FAM228B: variants seen among roughly 807,000 people sequenced by gnomAD.
FAM228B encodes protein FAM228B.
In FAM228B, 38 loss-of-function variants were observed where a neutral mutation model predicts 42.6. That is an observed-to-expected ratio of 0.89 (90% CI 0.69 to 1.17). The LOEUF (loss-of-function observed/expected upper bound fraction) is 1.17, where lower values mean the gene tolerates loss of function less well. FAM228B is among the 50% of genes most tolerant of loss of function. FAM228B has a pLI of 0.00. For synonymous variants in FAM228B, 109 were observed against 122.3 expected (o/e 0.89, Z 0.72); for missense variants, 344 against 367.3 (o/e 0.94, Z 0.52).
chr2:24,145,815 A>G (rs1355002327), intron 5 of FAM228B, among the ~76,000 whole-genome samples: 1 of 151,344 alleles, frequency 6.6e-6, no homozygotes, highest in African/African-American at 2.4e-5. Flanking sequence ...TGGCCTCCCA[A>G]GTAGCTGGGA....
Position 24,079,934 on chromosome 2 carries a change from C to T in FAM228B, c.-289-942C>T, listed in dbSNP as rs190555193. ...GTACAGTCCCACTGACACCCAGGCA[C>T]GATTGAGAACAGAATACAGGAGGCC... On this transcript the variant is annotated intron_variant, in intron 1 of 10. Coordinates refer to the FAM228B transcript ENST00000613899. Among the ~76,000 whole-genome samples, 15 of 152,274 alleles carry T rather than the reference C, an allele frequency of 9.9e-5. No individual in the cohort carries two copies. In the East Asian group the frequency reaches 2.3e-3, roughly 24 times the overall value.
At chr2:24,079,726 A>G (rs1305456943) in intron 1 of FAM228B, 2 of 1,309,768 alleles carry the variant, frequency 1.5e-6, no homozygotes, top group Non-Finnish European at 2.1e-6. Flanking sequence ...GGATATAAAT[A>G]CAGATGCAAG....
chr2:24,109,806 G>A (rs993885637), intron 3 of FAM228B, among the ~76,000 whole-genome samples: 6 of 152,216 alleles, frequency 3.9e-5, no homozygotes, highest in Non-Finnish European at 8.8e-5. Context: ...AGGTTGTGGA[G>A]AAAAGAGAAT....
At chr2:24,124,287 A>G in intron 1 of FAM228B, 43 bp from the exon 2 acceptor site, 2 of 994,950 alleles carry the variant, frequency 2.0e-6, no homozygotes, top group East Asian at 2.6e-5. Context: ...AGAGAAAATC[A>G]GATGACTGTG....
intron 3 of FAM228B, chr2:24,096,506 T>C (rs576080392): frequency 6.6e-6 from 1 of 152,202 alleles, no homozygotes; most frequent in South Asian, 2.1e-4. Context: ...CAATAGCCGA[T>C]TCGATCAAGT....
At chr2:24,089,023 T>C (rs542739063) in intron 2 of FAM228B, among the ~76,000 whole-genome samples, 10 of 152,310 alleles carry the variant, frequency 6.6e-5, no homozygotes, top group Non-Finnish European at 1.2e-4. Context: ...GGGAAATAGA[T>C]TATATTTAGT....
upstream of FAM228B, chr2:24,122,491 G>A (rs753655675): frequency 2.3e-5 from 37 of 1,614,116 alleles, no homozygotes; most frequent in African/African-American, 1.1e-4. Context: ...CCACATGCTT[G>A]GTTCCCAAGA....
intron 2 of FAM228B, among the ~76,000 whole-genome samples, chr2:24,089,976 G>GAAAAA (rs33915915): frequency 1.5e-5 from 2 of 130,554 alleles, no homozygotes; most frequent in Non-Finnish European, 3.1e-5. Flanking sequence ...TAAAAAAAAA[G>GAAAAA]AAAAAAAAAA....
chr2:24,121,429 A>G (rs564029354), upstream of FAM228B: 377 of 783,086 alleles, frequency 4.8e-4, no homozygotes, highest in African/African-American at 5.9e-3. Context: ...ATGGTTGGGG[A>G]AAAAAAATCA....
Position 24,158,196 on chromosome 2 carries a change from C to CTTTTTTTTTTTTTTTTTTTTTTTTTTTTT in FAM228B, c.687-3293_687-3292insTTTTTTTTTTTTTTTTTTTTTTTTTTTTT, listed in dbSNP as rs1322122366. On this transcript the variant is annotated intron_variant, in intron 7 of 10. Transcript: ENST00000615575. ...ATGCTGGGCTTTCTCTCTGAACCTC[C>CTTTTTTTTTTTTTTTTTTTTTTTTTTTTT]TTTTTTTTTTTTTTTTTCCAAAACA... Among the ~76,000 whole-genome samples, 3 of 53,200 alleles carry CTTTTTTTTTTTTTTTTTTTTTTTTTTTTT rather than the reference C, an allele frequency of 5.6e-5. 1 individual carries two copies. The highest frequency in any genetic ancestry group is 1.9e-4 in the African/African-American group (2 of 10,766). The allele number at this position is 53,200 out of a possible 152,430, so 34.9% of individuals were successfully genotyped here.
In FAM228B at chr2:24,156,781, C is replaced by A. The variant is rs1034627134; in HGVS notation, c.687-4725C>A. ...TGTTATACATTTCTTTCCGCCCCCC[C>A]CCCCCCAGCTTTTTGTTTCATTTAT... On this transcript the variant is annotated intron_variant, in intron 7 of 10. Transcript: ENST00000615575. 2.4e-4 allele frequency among the ~76,000 whole-genome samples: 34 copies of A among 142,852 alleles called. 1 individual carries two copies. Among genetic ancestry groups the A allele is most frequent in the African/African-American group, 6.7e-4 (26 of 38,844 alleles). 93.7% of individuals were successfully genotyped at this position (142,852 alleles called of 152,430 possible).
chr2:24,149,824 AC>A (rs1207831598), intron 7 of FAM228B, among the ~76,000 whole-genome samples: 16 of 152,172 alleles, frequency 1.1e-4, no homozygotes, highest in African/African-American at 3.9e-4. Context: ...GAGCCACTGC[AC>A]CTGGCCTGCT....
intron 8 of FAM228B, among the ~76,000 whole-genome samples, chr2:24,162,075 G>A (rs755609130): frequency 1.3e-5 from 2 of 151,806 alleles, no homozygotes; most frequent in African/African-American, 4.8e-5. Context: ...CTCCAGCTTG[G>A]GCGACAGAGC....
chr2:24,094,637 A>T (rs1054125560), intron 2 of FAM228B, among the ~76,000 whole-genome samples: 8 of 151,978 alleles, frequency 5.3e-5, no homozygotes, highest in Non-Finnish European at 1.0e-4. Flanking sequence ...GGCACATGAC[A>T]CCATGCCTGG....
intron 3 of FAM228B, among the ~76,000 whole-genome samples, chr2:24,113,441 G>A (rs1665832108): frequency 6.6e-6 from 1 of 152,104 alleles, no homozygotes; most frequent in Non-Finnish European, 1.5e-5. Context: ...CACGTGGCAT[G>A]TGCCTATAAC....
Position 24,138,072 on chromosome 2 carries a change from A to G in FAM228B, c.332A>G (p.Asp111Gly). 4 of 1,534,074 alleles carry G rather than the reference A, an allele frequency of 2.6e-6. No individual in the cohort carries two copies. Among genetic ancestry groups the G allele is most frequent in the Non-Finnish European group, 3.5e-6 (4 of 1,143,080 alleles). Residue 111 changes from aspartate to glycine, a missense_variant, in exon 4 of 11, where the codon GAT (aspartate) becomes GGT (glycine). Physicochemically the swap from Asp to Gly is moderately conservative, Grantham distance 94. Transcript: ENST00000615575. ...KIKKRRQGELDGFLKHVNKKG... is the reference protein window; with the variant it reads ...KIKKRRQGELGGFLKHVNKKG... ...AAAAAAAGGAGGCAAGGGGAATTAG[A>G]TGGCTTTTTAAAACATGTAAATAAA... is the stretch of plus-strand genomic sequence containing the variant.
Position 24,161,571 on chromosome 2 carries a change from A to G in FAM228B, c.752A>G (p.Tyr251Cys), listed in dbSNP as rs1468557775. The G allele has an allele frequency of 2.8e-5, 43 of 1,547,542 alleles. No individual in the cohort carries two copies. Among genetic ancestry groups the G allele is most frequent in the Non-Finnish European group, 3.5e-5 (40 of 1,143,168 alleles). The change falls in exon 8 of 11, where the codon TAT becomes TGT. Residue 251 changes from tyrosine (Y) to cysteine (C), a missense_variant. Transcript: ENST00000615575. ...FDLKPLARAPYLLESQEEEKT... is the reference protein window; with the variant it reads ...FDLKPLARAPCLLESQEEEKT... ...TTGAAACCTTTGGCAAGAGCTCCTT[A>G]TCTTTTGGAATCCCAGGAAGAAGAA... is the stretch of plus-strand genomic sequence containing the variant.
rs772125893 is a variant in FAM228B at position 24,140,270 on chromosome 2, G to T, written c.441+820G>T. On this transcript the variant is annotated intron_variant, in intron 5 of 10. Coordinates refer to ENST00000615575, the MANE Select transcript of FAM228B (RefSeq NM_001145710.2). ...CTGCTCATTGCAACCTCTGCCTCCC[G>T]GGTTCAAGAGATTCTCCCACCTCAG... 8.0e-4 allele frequency among the ~76,000 whole-genome samples: 121 copies of T among 152,102 alleles called. 2 individuals are homozygous for T. The highest frequency in any genetic ancestry group is 2.1e-4 in the Non-Finnish European group (14 of 68,014).
intron 5 of FAM228B, among the ~76,000 whole-genome samples, chr2:24,145,879 C>T (rs6736222): frequency 0.58 from 88,268 of 151,726 alleles, 26,354 homozygotes; most frequent in East Asian, 0.75. Flanking sequence ...TTAGTAAAGA[C>T]GGGGTTTCAC....
Sources: allele counts gnomAD v4.1 joint callset (sites outside exome capture counted in the v4.1 genomes callset), GRCh38; gene constraint gnomAD v4.1.1; transcripts MANE v1.5; gene names NCBI Gene and HGNC (gene_info 2026-07-23, HGNC 2026-07-21).